GUCY2F: variants seen among roughly 807,000 people sequenced by gnomAD.
GUCY2F encodes retinal guanylyl cyclase 2.
In GUCY2F, 61 loss-of-function variants were observed where a neutral mutation model predicts 73.1. That is an observed-to-expected ratio of 0.83 (90% CI 0.68 to 1.03). The LOEUF is 1.03. GUCY2F is among the 50% of genes least tolerant of loss of function. The pLI is 0.00. For missense variants in GUCY2F, 912 were observed against 854.3 expected (o/e 1.07, Z -0.84); for synonymous variants, 331 against 307.8 (o/e 1.08, Z -0.79).
chrX:109,379,943 T>A (rs1289580088), intron 17 of GUCY2F, among the ~76,000 whole-genome samples: 2 of 112,183 alleles, frequency 1.8e-5, no homozygotes, highest in Non-Finnish European at 3.8e-5. Flanking sequence ...TCTCTTTCTT[T>A]GTAACCTCAA....
rs989626905 is a variant in GUCY2F at position 109,481,857 on chromosome X, A to T, written c.-86+9T>A. ...TCTTTCTTATAAACAAGAGCTGTCA[A>T]CTACTCACCAAGTAATTCACCGCTC... is the stretch of plus-strand genomic sequence containing the variant. On this transcript the variant is annotated intron_variant, in intron 1 of 19. Transcript: ENST00000218006. 1 of 110,836 alleles carries T rather than the reference A, an allele frequency of 9.0e-6. No homozygotes were observed. The highest frequency in any genetic ancestry group is 3.3e-5 in the African/African-American group (1 of 30,386). The allele number at this position is 110,836 out of a possible 1,213,427, so 9.1% of individuals were successfully genotyped here.
intron 8 of GUCY2F, among the ~76,000 whole-genome samples, chrX:109,427,031 C>T: frequency 8.9e-6 from 1 of 111,878 alleles, no homozygotes; most frequent in Non-Finnish European, 1.9e-5. Context: ...ATGTGTTTAA[C>T]AAAGGCAAAA....
intron 8 of GUCY2F, among the ~76,000 whole-genome samples, chrX:109,429,501 A>G (rs1405087383): frequency 8.9e-6 from 1 of 111,756 alleles, no homozygotes; most frequent in Non-Finnish European, 1.9e-5. Context: ...TATCTTCCAC[A>G]GGCCACATGT....
At chrX:109,476,723 A>AAGAT (rs3831757) in intron 1 of GUCY2F, among the ~76,000 whole-genome samples, 3,180 of 96,439 alleles carry the variant, frequency 0.033, 57 homozygotes, top group Non-Finnish European at 0.036. Flanking sequence ...CCCAGAGGTA[A>AAGAT]AGATAGATAG....
At chrX:109,395,804 T>C (rs1399494111) in intron 11 of GUCY2F, among the ~76,000 whole-genome samples, 2 of 111,473 alleles carry the variant, frequency 1.8e-5, no homozygotes, top group Non-Finnish European at 3.8e-5. Flanking sequence ...GGGACCTGGC[T>C]CCCCTCACCC....
intron 2 of GUCY2F, among the ~76,000 whole-genome samples, chrX:109,470,059 G>C (rs1245408841): frequency 8.9e-6 from 1 of 111,988 alleles, no homozygotes; most frequent in Non-Finnish European, 1.9e-5. Context: ...TATTCCATCT[G>C]CATCAGACCA....
chrX:109,444,781 C>A (rs1426211106), intron 6 of GUCY2F, among the ~76,000 whole-genome samples: 9 of 111,919 alleles, frequency 8.0e-5, no homozygotes, highest in Non-Finnish European at 1.5e-4. Flanking sequence ...TGAGTTATAG[C>A]CGATTGTCAT....
At chrX:109,430,217 A>G (rs1457105836) in intron 8 of GUCY2F, 90 bp downstream of exon 8, 2 of 577,161 alleles carry the variant, frequency 3.5e-6, no homozygotes, top group African/African-American at 4.5e-5. Context: ...CTGATTTGTT[A>G]AGGGGTCTTC....
intron 9 of GUCY2F, among the ~76,000 whole-genome samples, chrX:109,406,500 G>T (rs1379144413): frequency 9.0e-6 from 1 of 111,706 alleles, no homozygotes; most frequent in Non-Finnish European, 1.9e-5. Flanking sequence ...GAAAAATCTG[G>T]ACCTCAAACT....
rs750525974 is a variant in GUCY2F, at chrX:109,475,524, A to C, written c.413T>G (p.Leu138Arg). ...NPGYCEAASL[L>R]GNSWDKGIFS... ...AATTCCTTTGTCCCAGCTGTTTCCC[A>C]GGAGCGAGGCTGCCTCGCAGTAGCC... Residue 138 changes from leucine (L) to arginine (R), a missense_variant, in exon 2 of 20, where the codon CTG (leucine) becomes CGG (arginine). Coordinates refer to ENST00000218006, the MANE Select transcript of GUCY2F (RefSeq NM_001522.3). The C allele has an allele frequency of 5.8e-6, 7 of 1,208,604 alleles. No homozygotes were observed. Among genetic ancestry groups the C allele is most frequent in the Non-Finnish European group, 7.8e-6 (7 of 893,911 alleles).
intron 6 of GUCY2F, among the ~76,000 whole-genome samples, chrX:109,446,007 G>C (rs1396427055): frequency 2.7e-5 from 3 of 111,781 alleles, no homozygotes; most frequent in African/African-American, 6.5e-5. Context: ...CAAATCATGA[G>C]TGAACTCCCA....
chrX:109,444,754 C>T (rs367847662), intron 6 of GUCY2F, among the ~76,000 whole-genome samples: 16 of 111,891 alleles, frequency 1.4e-4, no homozygotes, highest in African/African-American at 4.9e-4. Flanking sequence ...GCCTTTTCCA[C>T]AAAACGCAAC....
rs777912987 is a variant in GUCY2F, at chrX:109,465,194, A to G, written c.980T>C (p.Phe327Ser). The change falls in exon 3 of 20, where the codon TTC becomes TCC. Residue 327 changes from phenylalanine to serine, a missense_variant. Transcript: ENST00000218006. ...TTCACCTCTTGCTGCTGCCTCTGTG[A>G]AGGCTTGATAGAAGGTCTTTTCTTG... ...ESQEKTFYQA[F>S]TEAAARGEIP... is the part of the protein sequence containing the mutation. 1.7e-6 allele frequency: 2 copies of G among 1,209,789 alleles called. No homozygotes were observed. The highest frequency in any genetic ancestry group is 2.2e-6 in the Non-Finnish European group (2 of 893,779).
intron 7 of GUCY2F, among the ~76,000 whole-genome samples, chrX:109,440,256 G>A (rs1054441816): frequency 3.6e-5 from 4 of 111,788 alleles, no homozygotes; most frequent in African/African-American, 9.8e-5. Flanking sequence ...TGTCCTCCCA[G>A]AGCAGAAGGT....
intron 8 of GUCY2F, among the ~76,000 whole-genome samples, chrX:109,426,802 G>A (rs1352539077): frequency 1.8e-5 from 2 of 112,079 alleles, no homozygotes; most frequent in Non-Finnish European, 3.8e-5. Context: ...AGGATGATAT[G>A]GCAAAGAATG....
Position 109,385,215 on chromosome X carries a change from G to A in GUCY2F, c.3024C>T (p.Asn1008=). ...CTGTAGATTCCATCCGAGAAGCTGT[G>A]TTCACAGTGTCTCCAAACAAGCAGT... The part of the protein sequence containing the change: ...PRYCLFGDTV[N]TASRMESTGL... Residue 1008 remains asparagine, a synonymous_variant, in exon 16 of 20, where the codon AAC becomes AAT. Coordinates refer to ENST00000218006, the MANE Select transcript of GUCY2F (RefSeq NM_001522.3). 8.4e-7 allele frequency: 1 copy of A among 1,188,561 alleles called. No homozygotes were observed. The highest frequency in any genetic ancestry group is 1.1e-6 in the Non-Finnish European group (1 of 875,755).
chrX:109,394,467 G>A, intron 12 of GUCY2F, among the ~76,000 whole-genome samples: 1 of 111,796 alleles, frequency 8.9e-6, no homozygotes, highest in East Asian at 2.8e-4. Context: ...GGGCCCCTCA[G>A]GCTTTCAATC....
intron 6 of GUCY2F, among the ~76,000 whole-genome samples, chrX:109,444,878 T>G (rs1453452752): frequency 8.9e-6 from 1 of 111,752 alleles, no homozygotes; most frequent in Non-Finnish European, 1.9e-5. Flanking sequence ...AATTTCAAAA[T>G]TCTGGCTTTT....
chrX:109,480,225 G>A (rs1932756715), intron 1 of GUCY2F, among the ~76,000 whole-genome samples: 2 of 111,252 alleles, frequency 1.8e-5, no homozygotes, highest in South Asian at 7.7e-4. Flanking sequence ...CTGCCCTCTC[G>A]TTAATGGAGA....
Sources: gnomAD v4.1 joint callset for allele counts (sites outside exome capture counted in the v4.1 genomes callset) on GRCh38, gnomAD v4.1.1 for gene constraint, MANE v1.5 for transcripts, NCBI Gene and HGNC (gene_info 2026-07-23, HGNC 2026-07-21) for gene names.